DGKB: variants seen among roughly 807,000 people sequenced by gnomAD.
DGKB encodes 90 kDa diacylglycerol kinase.
DGKB carries 67 observed loss-of-function variants against 114.3 expected under a neutral mutation model. That is an observed-to-expected ratio of 0.59 (90% CI 0.48 to 0.72). The LOEUF (loss-of-function observed/expected upper bound fraction) is 0.72, where lower values mean the gene tolerates loss of function less well. DGKB is among the 30% of genes least tolerant of loss of function. DGKB has a pLI of 0.00. For missense variants in DGKB, 907 were observed against 975.2 expected, an observed-to-expected ratio of 0.93 and a Z score of 0.93; for synonymous variants, 398 against 323.1, an observed-to-expected ratio of 1.23 and a Z score of -2.49.
chr7:14,885,320 T>C (rs1206749569), intron 1 of DGKB, among the ~76,000 whole-genome samples: 1 of 151,918 alleles, frequency 6.6e-6, no homozygotes, highest in Non-Finnish European at 1.5e-5. Context: ...CTAAGAAAGC[T>C]ACAGACATAT....
intron 20 of DGKB, among the ~76,000 whole-genome samples, chr7:14,522,552 G>A (rs1048262445): frequency 1.1e-4 from 17 of 152,196 alleles, no homozygotes; most frequent in East Asian, 1.9e-4. Flanking sequence ...GAGCCCTTTC[G>A]GCAGTGGCAG....
At chr7:14,903,480 C>T (rs1783447826), upstream of DGKB, 1 of 152,156 alleles carries the variant, frequency 6.6e-6, no homozygotes, top group Admixed American at 6.6e-5. Flanking sequence ...GCAATTACTA[C>T]CACTCACTAT....
intron 23 of DGKB, among the ~76,000 whole-genome samples, chr7:14,258,009 T>G (rs1260555396): frequency 6.6e-6 from 1 of 152,222 alleles, no homozygotes; most frequent in Admixed American, 6.5e-5. Flanking sequence ...ATTGCAGGCG[T>G]GAGCCAATCA....
intron 20 of DGKB, among the ~76,000 whole-genome samples, chr7:14,532,765 T>C (rs538909094): frequency 6.6e-6 from 1 of 151,780 alleles, no homozygotes; most frequent in East Asian, 1.9e-4. Flanking sequence ...TCCTAAACAT[T>C]ATCAAGCATA....
chr7:14,942,053 G>A (rs1309435900), intron 1 of DGKB, among the ~76,000 whole-genome samples: 1 of 151,786 alleles, frequency 6.6e-6, no homozygotes, highest in Non-Finnish European at 1.5e-5. Flanking sequence ...CAGATTTATT[G>A]TTTGTCCACT....
intron 21 of DGKB, among the ~76,000 whole-genome samples, chr7:14,371,233 GA>G (rs1407252854): frequency 4.6e-5 from 7 of 152,132 alleles, no homozygotes; most frequent in Non-Finnish European, 1.0e-4. Flanking sequence ...AGTTCTTTGA[GA>G]AATCTCCAAG....
chr7:14,769,195 GAAA>G, intron 2 of DGKB, among the ~76,000 whole-genome samples: 2 of 139,694 alleles, frequency 1.4e-5, no homozygotes, highest in African/African-American at 2.6e-5. Flanking sequence ...AAGAAAGAAA[GAAA>G]GGAAGAAAGG....
chr7:14,943,393 T>C (rs957623580), intron 1 of DGKB, among the ~76,000 whole-genome samples: 9 of 151,894 alleles, frequency 5.9e-5, no homozygotes, highest in Admixed American at 4.0e-4. Context: ...AAGTGTACAA[T>C]AGATAAAATG....
At chr7:14,705,212 G>T (rs1302015179) in intron 6 of DGKB, among the ~76,000 whole-genome samples, 2 of 152,146 alleles carry the variant, frequency 1.3e-5, no homozygotes, top group Non-Finnish European at 2.9e-5. Flanking sequence ...TGGAAAAAGG[G>T]TGTCAGCAAT....
chr7:14,211,019 C>T (rs538409542), intron 23 of DGKB, among the ~76,000 whole-genome samples: 4 of 152,036 alleles, frequency 2.6e-5, no homozygotes, highest in African/African-American at 9.7e-5. Flanking sequence ...TGTTCCCCTA[C>T]AGCTATCACC....
At chr7:14,515,370 GA>G (rs564301343) in intron 20 of DGKB, among the ~76,000 whole-genome samples, 1 of 152,116 alleles carries the variant, frequency 6.6e-6, no homozygotes, top group African/African-American at 2.4e-5. Context: ...TCATAATAAG[GA>G]AAAAAGTTGT....
In DGKB at chr7:14,796,332, C is replaced by G. The variant is rs185473624; in HGVS notation, c.71-38601G>C. Reference sequence around the variant, plus strand: ...AAGACAGTAGCCAACACCATAGACACCTCAATTGTTTCAGCTTACACAATT... The same window carrying G: ...AAGACAGTAGCCAACACCATAGACAGCTCAATTGTTTCAGCTTACACAATT... On this transcript the variant is annotated intron_variant, in intron 2 of 25. Coordinates refer to ENST00000402815, the MANE Select transcript of DGKB (RefSeq NM_001350709.2). 2.6e-5 allele frequency among the ~76,000 whole-genome samples: 4 copies of G among 152,230 alleles called. No individual in the cohort carries two copies. In the East Asian group the frequency reaches 7.7e-4, roughly 29 times the overall value.
At chr7:14,804,993 T>G (rs1025797024) in intron 2 of DGKB, among the ~76,000 whole-genome samples, 1 of 152,122 alleles carries the variant, frequency 6.6e-6, no homozygotes, top group African/African-American at 2.4e-5. Context: ...TGATTTTTAT[T>G]GTCTGATTTT....
At chr7:14,702,421 C>A (rs551090431) in intron 6 of DGKB, among the ~76,000 whole-genome samples, 1 of 152,248 alleles carries the variant, frequency 6.6e-6, no homozygotes, top group African/African-American at 2.4e-5. Flanking sequence ...TTGTTTAAAT[C>A]TGAGGTGGAG....
chr7:14,804,699 T>C (rs950714051), intron 2 of DGKB, among the ~76,000 whole-genome samples: 1 of 152,102 alleles, frequency 6.6e-6, no homozygotes, highest in African/African-American at 2.4e-5. Context: ...GTTCCTTTGT[T>C]ACTTTAACTT....
intron 23 of DGKB, among the ~76,000 whole-genome samples, chr7:14,289,920 C>G (rs1373220194): frequency 6.6e-6 from 1 of 152,134 alleles, no homozygotes; most frequent in Non-Finnish European, 1.5e-5. Flanking sequence ...ATATTTCTGC[C>G]TTTCATGCTT....
chr7:14,736,196 TG>T lies in DGKB; in HGVS notation c.169-3del, dbSNP rs66786499. 0.72 allele frequency: 1,023,700 copies of T among 1,415,798 alleles called. 372,702 individuals carry two copies. Among genetic ancestry groups the T allele is most frequent in the Non-Finnish European group, 0.77 (796,662 of 1,034,236 alleles). 87.7% of individuals were successfully genotyped at this position (1,415,798 alleles called of 1,614,324 possible). A position where few individuals can be genotyped will look rare whatever the true frequency, so the allele number is the denominator to read the frequency against. On this transcript the variant is annotated splice_region_variant and splice_polypyrimidine_tract_variant and intron_variant, in intron 4 of 25. Coordinates refer to ENST00000402815, the MANE Select transcript of DGKB (RefSeq NM_001350709.2). ...TTTGAAACCTTCAAAATCTATTGTC[TG>T]GAAAAAAAAAATGTAAACATGTATT...
At chr7:14,750,514 C>G (rs1345672041) in intron 4 of DGKB, among the ~76,000 whole-genome samples, 1 of 152,138 alleles carries the variant, frequency 6.6e-6, no homozygotes, top group African/African-American at 2.4e-5. Context: ...CATCTCCATT[C>G]TGATGCCCAT....
In DGKB at chr7:14,323,202, T is replaced by C. The variant is rs368319562; in HGVS notation, c.2122+15313A>G. ...TTAAAAGGCCAGATGCAAATCAATA[T>C]ATGCCATATAATTCTACTATAAAAT... On this transcript the variant is annotated intron_variant, in intron 23 of 25. Transcript: ENST00000402815. 1.4e-4 allele frequency among the ~76,000 whole-genome samples: 22 copies of C among 152,316 alleles called. No homozygotes were observed. The South Asian group carries it at 4.6e-3, about 32-fold the overall frequency.
Sources: allele counts gnomAD v4.1 joint callset (sites outside exome capture counted in the v4.1 genomes callset), GRCh38; gene constraint gnomAD v4.1.1; transcripts MANE v1.5; gene names NCBI Gene and HGNC (gene_info 2026-07-23, HGNC 2026-07-21).